The following MAMLD1 variants were observed in gnomAD, a reference collection of about 807,000 sequenced individuals.
MAMLD1 encodes mastermind like domain containing 1.
In MAMLD1, 14 loss-of-function variants were observed where a neutral mutation model predicts 45.0. That is an observed-to-expected ratio of 0.31 (90% CI 0.21 to 0.49). The LOEUF is 0.49. MAMLD1 is among the 20% of genes least tolerant of loss of function. The pLI is 0.99. For missense variants in MAMLD1, 543 were observed against 603.6 expected, an observed-to-expected ratio of 0.90 and a Z score of 1.05; for synonymous variants, 254 against 247.8, an observed-to-expected ratio of 1.02 and a Z score of -0.24.
At chrX:150,421,745 C>T (rs1557403555) in intron 1 of MAMLD1, among the ~76,000 whole-genome samples, 1 of 112,367 alleles carries the variant, frequency 8.9e-6, no homozygotes, top group African/African-American at 3.2e-5. Flanking sequence ...GCTGAATAAT[C>T]TTGAGCATTG....
At chrX:150,371,708 T>G (rs1218584514) in intron 1 of MAMLD1, among the ~76,000 whole-genome samples, 1 of 112,060 alleles carries the variant, frequency 8.9e-6, no homozygotes, top group Non-Finnish European at 1.9e-5. Context: ...AATCCGAAAT[T>G]CCACTCTCAG....
intron 1 of MAMLD1, among the ~76,000 whole-genome samples, chrX:150,415,015 G>A (rs917887501): frequency 3.6e-5 from 4 of 111,277 alleles, no homozygotes; most frequent in African/African-American, 1.3e-4. Context: ...GATCTCCCTG[G>A]GCTGAGACTT....
chrX:150,440,194 A>G, intron 1 of MAMLD1, among the ~76,000 whole-genome samples: 2 of 111,351 alleles, frequency 1.8e-5, no homozygotes, highest in East Asian at 5.6e-4. Flanking sequence ...TGACTTTTGC[A>G]TATTGAACTA....
rs376737932 is a variant in MAMLD1, at chrX:150,469,782, A to G, written c.209A>G (p.Gln70Arg). ...VKRRQEEDHF[Q>R]FPDMADGGYP... ...AGGAGACAAGAAGAAGACCACTTCC[A>G]GTTTCCAGACATGGCTGATGGGGGC... Residue 70 changes from glutamine (Q) to arginine (R), a missense_variant, in exon 4 of 8, where the codon CAG becomes CGG. By Grantham distance (43) the Gln-to-Arg change is conservative. Transcript: ENST00000370401. 1.1e-4 allele frequency: 135 copies of G among 1,208,505 alleles called. No homozygotes were observed. The highest frequency in any genetic ancestry group is 1.4e-4 in the Non-Finnish European group (125 of 894,884).
At chrX:150,501,098 C>T (rs1427007788) in intron 5 of MAMLD1, among the ~76,000 whole-genome samples, 2 of 111,819 alleles carry the variant, frequency 1.8e-5, no homozygotes, top group Admixed American at 1.9e-4. Context: ...TACTGAGGCA[C>T]TGCGTATGTT....
chrX:150,481,980 G>GAAA (rs782610933), intron 5 of MAMLD1, among the ~76,000 whole-genome samples: 31 of 86,228 alleles, frequency 3.6e-4, no homozygotes, highest in East Asian at 1.8e-3. Context: ...AAGAAAGAAA[G>GAAA]AAAGAAAGAA....
intron 1 of MAMLD1, among the ~76,000 whole-genome samples, chrX:150,440,375 CAAT>C (rs2035260666): frequency 9.2e-6 from 1 of 108,558 alleles, no homozygotes; most frequent in Non-Finnish European, 1.9e-5. Context: ...CAAGGTAATA[CAAT>C]GAGTTGGGAG....
intron 1 of MAMLD1, among the ~76,000 whole-genome samples, chrX:150,383,087 G>A (rs1557401888): frequency 1.9e-5 from 1 of 52,456 alleles, no homozygotes; most frequent in Admixed American, 1.6e-4. Flanking sequence ...TGTATTTTTA[G>A]TAGAGACGGG....
intron 1 of MAMLD1, among the ~76,000 whole-genome samples, chrX:150,367,479 A>G (rs2031559537): frequency 8.9e-6 from 1 of 112,408 alleles, no homozygotes; most frequent in African/African-American, 3.2e-5. Context: ...GAAAGGGAAT[A>G]AACTGGTCTT....
intron 4 of MAMLD1, 68 bp from the exon 5 acceptor site, chrX:150,473,612 C>G: frequency 8.9e-7 from 1 of 1,127,662 alleles, no homozygotes; most frequent in Admixed American, 2.2e-5. Flanking sequence ...ACATAGGACA[C>G]GGCAGGCCAC....
chrX:150,507,880 C>T (rs1222075881), intron 6 of MAMLD1, among the ~76,000 whole-genome samples: 1 of 112,348 alleles, frequency 8.9e-6, no homozygotes, highest in Non-Finnish European at 1.9e-5. Context: ...TCTGCCCCTG[C>T]CCCTGAACCC....
Position 150,470,122 on chromosome X carries a change from C to T in MAMLD1, c.549C>T (p.Leu183=), listed in dbSNP as rs781792398. The change falls in exon 4 of 8, where the codon CTC becomes CTT. Residue 183 remains leucine (L), a synonymous_variant. Coordinates refer to ENST00000370401, the MANE Select transcript of MAMLD1 (RefSeq NM_005491.5). ...DQELQELLEE[L]TKIQDPSPNE... ...AGCTTCAAGAGCTGCTAGAGGAGCT[C>T]ACCAAAATTCAAGACCCTTCTCCAA... is the stretch of plus-strand genomic sequence containing the variant. 20 of 1,209,741 alleles carry T rather than the reference C, an allele frequency of 1.7e-5. No homozygotes were observed. Among genetic ancestry groups the T allele is most frequent in the Middle Eastern group, 2.3e-4 (1 of 4,375 alleles).
chrX:150,410,854 A>G (rs1256181861), intron 1 of MAMLD1, among the ~76,000 whole-genome samples: 2 of 111,875 alleles, frequency 1.8e-5, no homozygotes, highest in Non-Finnish European at 3.8e-5. Flanking sequence ...ACCTGACTAC[A>G]CTGCCTGTCA....
At position 150,513,778 on chromosome X, in the gene MAMLD1, G is replaced by A. The variant is rs782427329; in HGVS notation, c.*1819G>A. Reference sequence around the variant, plus strand: ...CTGTCTCAGCAATCCACCTGGAGGAGCTAGAGTATCCTCCTCCCTTTACCA... The same window carrying A: ...CTGTCTCAGCAATCCACCTGGAGGAACTAGAGTATCCTCCTCCCTTTACCA... On this transcript the variant is annotated 3_prime_UTR_variant, in exon 8 of 8. Transcript: ENST00000370401. 3.4e-6 allele frequency: 1 copy of A among 295,834 alleles called. No individual in the cohort carries two copies. The highest frequency in any genetic ancestry group is 2.1e-4 in the South Asian group (1 of 4,830). 24.4% of individuals were successfully genotyped at this position (295,834 alleles called of 1,213,427 possible).
At chrX:150,411,259 G>A (rs782328213) in intron 1 of MAMLD1, among the ~76,000 whole-genome samples, 2 of 112,064 alleles carry the variant, frequency 1.8e-5, no homozygotes, top group African/African-American at 6.5e-5. Context: ...CCAGTGCTCC[G>A]TTCCCCTTCC....
chrX:150,478,211 G>A (rs1236114407), intron 5 of MAMLD1, among the ~76,000 whole-genome samples: 1 of 112,304 alleles, frequency 8.9e-6, no homozygotes, highest in African/African-American at 3.2e-5. Flanking sequence ...AGGTTAGTGA[G>A]GCCAAGAGAA....
intron 1 of MAMLD1, among the ~76,000 whole-genome samples, chrX:150,416,766 T>C (rs1290829253): frequency 1.8e-5 from 2 of 112,414 alleles, no homozygotes; most frequent in African/African-American, 6.5e-5. Context: ...TGAAATAATA[T>C]CTAAAATATT....
chrX:150,493,614 C>T (rs1253409099), intron 5 of MAMLD1, among the ~76,000 whole-genome samples: 7 of 111,662 alleles, frequency 6.3e-5, no homozygotes, highest in South Asian at 3.8e-4. Context: ...AACAACTATC[C>T]TGGCTTCCAA....
At chrX:150,437,022 G>A (rs2035144082) in intron 1 of MAMLD1, among the ~76,000 whole-genome samples, 2 of 111,043 alleles carry the variant, frequency 1.8e-5, no homozygotes, top group African/African-American at 6.6e-5. Context: ...TGGGCTGTGT[G>A]TTCTAACTCT....
Sources: allele counts gnomAD v4.1 joint callset (sites outside exome capture counted in the v4.1 genomes callset), GRCh38; gene constraint gnomAD v4.1.1; transcripts MANE v1.5; gene names NCBI Gene and HGNC (gene_info 2026-07-23, HGNC 2026-07-21).